FAM193A: variants seen among roughly 807,000 people sequenced by gnomAD.
The protein encoded by FAM193A is protein FAM193A.
In FAM193A, 22 loss-of-function variants were observed where a neutral mutation model predicts 126.5. The observed-to-expected ratio is 0.17, with a 90% confidence interval of 0.12 to 0.25. FAM193A has a LOEUF of 0.25. Ranked by LOEUF, FAM193A falls within the 10% of genes least tolerant of loss-of-function variation. The pLI is 1.00. For synonymous variants in FAM193A, 761 were observed against 646.8 expected, an observed-to-expected ratio of 1.18 and a Z score of -2.68; for missense variants, 1,675 against 1,672.8, an observed-to-expected ratio of 1.00 and a Z score of -0.02.
At chr4:2,731,515 C>G (rs1035427937) in intron 20 of FAM193A, among the ~76,000 whole-genome samples, 1 of 151,858 alleles carries the variant, frequency 6.6e-6, no homozygotes, top group African/African-American at 2.4e-5. Context: ...GCGCTCACAG[C>G]TCTCAGATTA....
intron 6 of FAM193A, 58 bp downstream of exon 6, chr4:2,639,917 G>A: frequency 3.2e-6 from 5 of 1,559,332 alleles, no homozygotes; most frequent in African/African-American, 1.4e-5. Flanking sequence ...CTTTTCTCCT[G>A]ACTGGTGTGC....
At chr4:2,693,460 T>C in intron 15 of FAM193A, 126 bp from the exon 16 acceptor site, 1 of 891,180 alleles carries the variant, frequency 1.1e-6, no homozygotes, top group South Asian at 1.6e-5. Flanking sequence ...TGACAGAATA[T>C]TAGGTCGTGA....
chr4:2,587,148 A>G (rs999413868), intron 1 of FAM193A, among the ~76,000 whole-genome samples: 1 of 152,214 alleles, frequency 6.6e-6, no homozygotes, highest in Non-Finnish European at 1.5e-5. Flanking sequence ...TGTAAGAAGC[A>G]TGGTGCACAG....
intron 13 of FAM193A, 83 bp downstream of exon 13, chr4:2,672,455 A>T: frequency 2.0e-6 from 3 of 1,475,600 alleles, no homozygotes; most frequent in Non-Finnish European, 2.8e-6. Context: ...GAAATCTGTG[A>T]ATTAGCAACT....
At chr4:2,658,650 GC>G (rs1194713991) in intron 8 of FAM193A, among the ~76,000 whole-genome samples, 1 of 152,162 alleles carries the variant, frequency 6.6e-6, no homozygotes, top group African/African-American at 2.4e-5. Flanking sequence ...ACATTTGCAT[GC>G]CCGTGGTCTC....
At chr4:2,600,033 G>A (rs1193157580) in intron 2 of FAM193A, among the ~76,000 whole-genome samples, 2 of 152,180 alleles carry the variant, frequency 1.3e-5, no homozygotes, top group African/African-American at 4.8e-5. Context: ...CCGAGTACCG[G>A]GGACTATAGG....
intron 20 of FAM193A, among the ~76,000 whole-genome samples, chr4:2,730,746 AGCTG>A (rs1721285397): frequency 6.6e-6 from 1 of 151,632 alleles, no homozygotes; most frequent in South Asian, 2.1e-4. Context: ...TACAAAAATT[AGCTG>A]GGTGTTGTGG....
chr4:2,580,313 A>G (rs1384412118), intron 1 of FAM193A, among the ~76,000 whole-genome samples: 1 of 152,146 alleles, frequency 6.6e-6, no homozygotes, highest in Non-Finnish European at 1.5e-5. Flanking sequence ...AACAACATAC[A>G]CTGTGGCCTA....
intron 1 of FAM193A, among the ~76,000 whole-genome samples, chr4:2,573,655 TG>T (rs1739420364): frequency 6.6e-6 from 1 of 152,138 alleles, no homozygotes; most frequent in African/African-American, 2.4e-5. Flanking sequence ...CCCTCACTTG[TG>T]CGTTTGTTCC....
intron 1 of FAM193A, among the ~76,000 whole-genome samples, chr4:2,575,936 G>C (rs182474842): frequency 6.4e-4 from 97 of 152,180 alleles, no homozygotes; most frequent in African/African-American, 2.2e-3. Flanking sequence ...CACATGGAGT[G>C]GTCTCTGCCC....
At chr4:2,544,194 G>C (rs533890089) in intron 1 of FAM193A, among the ~76,000 whole-genome samples, 7 of 152,244 alleles carry the variant, frequency 4.6e-5, no homozygotes, top group Admixed American at 2.0e-4. Flanking sequence ...TTTAGAAATG[G>C]TGTACCTGCA....
chr4:2,547,411 A>G lies in FAM193A; in HGVS notation c.255+10241A>G, dbSNP rs151129152. 4.6e-5 allele frequency among the ~76,000 whole-genome samples: 7 copies of G among 151,892 alleles called. 1 individual carries two copies. Among genetic ancestry groups the G allele is most frequent in the Admixed American group, 3.3e-4 (5 of 15,202 alleles). On this transcript the variant is annotated intron_variant, in intron 1 of 20. Coordinates refer to ENST00000637812, the MANE Select transcript of FAM193A (RefSeq NM_001366318.2). ...TCTTGTCTCAAAAAATAATAATAAC[A>G]ATAATAATAATAATTCTTTTTGTGG...
chr4:2,691,191 A>G (rs897211223), intron 15 of FAM193A, among the ~76,000 whole-genome samples: 2 of 152,126 alleles, frequency 1.3e-5, no homozygotes, highest in Non-Finnish European at 2.9e-5. Context: ...GCTTCGCTGC[A>G]CTGTCTTGCT....
At chr4:2,656,427 G>A (rs1043715234) in intron 7 of FAM193A, among the ~76,000 whole-genome samples, 2 of 152,140 alleles carry the variant, frequency 1.3e-5, no homozygotes, top group African/African-American at 4.8e-5. Context: ...TATCCATATC[G>A]TTTAGTAAAG....
intron 2 of FAM193A, among the ~76,000 whole-genome samples, chr4:2,618,251 A>AGCTTGCAGTGAGTGTGG (rs1742325243): frequency 6.6e-6 from 1 of 152,052 alleles, no homozygotes; most frequent in South Asian, 2.1e-4. Context: ...GGGTTAATTG[A>AGCTTGCAGTGAGTGTGG]GCTTGCAGTG....
At chr4:2,572,887 AGTGGCGAT>A (rs138838333) in intron 1 of FAM193A, among the ~76,000 whole-genome samples, 3,607 of 151,746 alleles carry the variant, frequency 0.024, 93 homozygotes, top group African/African-American at 0.063. Flanking sequence ...GAGAGGCGAC[AGTGGCGAT>A]GGGGGTGAGA....
At chr4:2,665,399 A>G (rs779256190) in intron 12 of FAM193A, among the ~76,000 whole-genome samples, 3 of 152,162 alleles carry the variant, frequency 2.0e-5, no homozygotes, top group East Asian at 1.9e-4. Context: ...TGGATTTTCT[A>G]TATACAAGAT....
chr4:2,565,418 C>T (rs1408227664), intron 1 of FAM193A, among the ~76,000 whole-genome samples: 3 of 152,040 alleles, frequency 2.0e-5, no homozygotes, highest in African/African-American at 2.4e-5. Flanking sequence ...CACCACCACC[C>T]GGCTAATTTT....
intron 20 of FAM193A, among the ~76,000 whole-genome samples, chr4:2,728,897 T>TA (rs1721064637): frequency 1.2e-5 from 1 of 81,688 alleles, no homozygotes; most frequent in African/African-American, 7.2e-5. Flanking sequence ...CCTCCAAAAC[T>TA]TTTTTTTTTT....
Sources: allele counts gnomAD v4.1 joint callset (sites outside exome capture counted in the v4.1 genomes callset), GRCh38; gene constraint gnomAD v4.1.1; transcripts MANE v1.5; gene names NCBI Gene and HGNC (gene_info 2026-07-23, HGNC 2026-07-21).